The following ATE1 variants were observed in gnomAD, a reference collection of about 807,000 sequenced individuals.
ATE1 encodes arginyltransferase 1, also known as arginyl-tRNA--protein transferase 1.
Under a neutral mutation model 70.5 loss-of-function variants are expected in ATE1, and 36 were observed. The ratio of observed to expected loss-of-function variants is 0.51; its 90% CI spans 0.39 to 0.67. The LOEUF (loss-of-function observed/expected upper bound fraction) is 0.67. Ranked by LOEUF, ATE1 falls within the 30% of genes least tolerant of loss-of-function variation. The probability of loss-of-function intolerance (pLI) is 0.00; values close to 1 mark genes in which losing one functional copy is unlikely to be tolerated. For missense variants in ATE1, 593 were observed against 629.5 expected (o/e 0.94, Z 0.62); for synonymous variants, 232 against 219.3 (o/e 1.06, Z -0.51).
intron 7 of ATE1, among the ~76,000 whole-genome samples, chr10:121,876,692 C>T (rs193276659): frequency 1.2e-4 from 18 of 152,252 alleles, no homozygotes; most frequent in Non-Finnish European, 2.1e-4. Context: ...TGCTGCCGGG[C>T]GCGGTGGCTC....
At chr10:121,745,543 C>T (rs567537330) in intron 11 of ATE1, among the ~76,000 whole-genome samples, 10 of 152,090 alleles carry the variant, frequency 6.6e-5, no homozygotes, top group South Asian at 4.2e-4. Context: ...GGTGAAACCC[C>T]GTCTCTACTA....
chr10:121,765,270 C>T (rs1171493568), intron 11 of ATE1, among the ~76,000 whole-genome samples: 1 of 152,154 alleles, frequency 6.6e-6, no homozygotes, highest in African/African-American at 2.4e-5. Context: ...AGGGTTCATC[C>T]ACCCTTCAGT....
intron 8 of ATE1, among the ~76,000 whole-genome samples, chr10:121,846,109 G>A (rs1266608996): frequency 8.5e-5 from 12 of 141,166 alleles, no homozygotes; most frequent in Non-Finnish European, 1.7e-4. Flanking sequence ...GTACCAGAAA[G>A]TAAAGTAGCA....
chr10:121,924,045 T>C (rs548023018), intron 2 of ATE1, among the ~76,000 whole-genome samples: 2 of 152,366 alleles, frequency 1.3e-5, no homozygotes, highest in South Asian at 2.1e-4. Context: ...AGCTTAGTGA[T>C]AGGTACTTGA....
At chr10:121,926,961 A>G in intron 1 of ATE1, 1 of 985,452 alleles carries the variant, frequency 1.0e-6, no homozygotes, top group Non-Finnish European at 1.2e-6. Flanking sequence ...GCAAATGCAC[A>G]CACCGTTATC....
intron 11 of ATE1, among the ~76,000 whole-genome samples, chr10:121,760,903 T>C (rs568197327): frequency 9.8e-5 from 15 of 152,312 alleles, no homozygotes; most frequent in Middle Eastern, 3.4e-3. Flanking sequence ...CATATGTTTG[T>C]CCTCCCAAAC....
intron 11 of ATE1, among the ~76,000 whole-genome samples, chr10:121,785,581 T>C (rs1026636177): frequency 6.6e-6 from 1 of 152,034 alleles, no homozygotes; most frequent in African/African-American, 2.4e-5. Flanking sequence ...CCAGCAAGAA[T>C]GATGGGCAGA....
intron 10 of ATE1, among the ~76,000 whole-genome samples, chr10:121,801,639 T>C (rs1392503019): frequency 6.6e-6 from 1 of 152,198 alleles, no homozygotes; most frequent in African/African-American, 2.4e-5. Context: ...TGTGTCTATA[T>C]ATAAATTTGG....
intron 11 of ATE1, among the ~76,000 whole-genome samples, chr10:121,763,736 G>A (rs933908496): frequency 1.2e-4 from 18 of 152,116 alleles, no homozygotes; most frequent in Non-Finnish European, 2.1e-4. Context: ...ATACCCAGCC[G>A]GGCGCAGTGG....
chr10:121,805,146 T>C (rs192573616), intron 10 of ATE1, among the ~76,000 whole-genome samples: 18 of 152,328 alleles, frequency 1.2e-4, no homozygotes, highest in Admixed American at 1.1e-3. Flanking sequence ...CAATTAAAAG[T>C]AACCCTTCCA....
At position 121,844,629 on chromosome 10, in the gene ATE1, A is replaced by G. The variant is rs138066390; in HGVS notation, c.976-3366T>C. ...ATGTCACACAAAAACCTAAAACCCT[A>G]TAAGTGAATGTTTATAACAGTTTTA... On this transcript the variant is annotated intron_variant, in intron 8 of 11. Coordinates refer to ENST00000224652, the MANE Select transcript of ATE1 (RefSeq NM_001001976.3). Among the ~76,000 whole-genome samples the G allele has an allele frequency of 2.1e-3, 318 of 152,322 alleles. 2 individuals are homozygous for G. The highest frequency in any genetic ancestry group is 7.2e-3 in the African/African-American group (301 of 41,572).
chr10:121,862,621 G>A (rs970654112), intron 8 of ATE1, among the ~76,000 whole-genome samples: 1 of 132,058 alleles, frequency 7.6e-6, no homozygotes, highest in Non-Finnish European at 1.5e-5. Flanking sequence ...TGATCTACCT[G>A]TCTCAACCTC....
chr10:121,895,913 T>C (rs1250433819), intron 7 of ATE1, among the ~76,000 whole-genome samples: 1 of 148,662 alleles, frequency 6.7e-6, no homozygotes, highest in Non-Finnish European at 1.5e-5. Flanking sequence ...CAAGACTCTG[T>C]CTCCCCCCAC....
At chr10:121,892,441 C>T (rs1311914895) in intron 7 of ATE1, among the ~76,000 whole-genome samples, 2 of 150,806 alleles carry the variant, frequency 1.3e-5, no homozygotes, top group African/African-American at 2.4e-5. Flanking sequence ...TTCCTCAGTG[C>T]TCTTTATTTG....
chr10:121,827,527 T>C (rs1948074345), intron 10 of ATE1, among the ~76,000 whole-genome samples: 1 of 152,188 alleles, frequency 6.6e-6, no homozygotes, highest in Admixed American at 6.5e-5. Flanking sequence ...CTCTTCTCAG[T>C]TGAAAATACA....
chr10:121,777,390 C>A (rs1008976416), intron 11 of ATE1, among the ~76,000 whole-genome samples: 1 of 152,078 alleles, frequency 6.6e-6, no homozygotes, highest in African/African-American at 2.4e-5. Flanking sequence ...CTCCAATATC[C>A]CTAAGATTTG....
chr10:121,921,883 C>T (rs1353338956), intron 3 of ATE1, among the ~76,000 whole-genome samples: 3 of 152,162 alleles, frequency 2.0e-5, no homozygotes, highest in African/African-American at 7.2e-5. Context: ...TGTTTTAACC[C>T]GAGGTCTCTC....
At chr10:121,874,733 C>T (rs949863971) in intron 7 of ATE1, among the ~76,000 whole-genome samples, 1 of 152,166 alleles carries the variant, frequency 6.6e-6, no homozygotes, top group African/African-American at 2.4e-5. Context: ...AGGCCGGGTG[C>T]AGTGGTTCAC....
At chr10:121,796,733 C>T (rs1452682928) in intron 10 of ATE1, among the ~76,000 whole-genome samples, 1 of 152,050 alleles carries the variant, frequency 6.6e-6, no homozygotes, top group African/African-American at 2.4e-5. Flanking sequence ...AAATCTAAAA[C>T]ATTGAAAGGA....
Sources: gnomAD v4.1 joint callset for allele counts (sites outside exome capture counted in the v4.1 genomes callset) on GRCh38, gnomAD v4.1.1 for gene constraint, MANE v1.5 for transcripts, NCBI Gene and HGNC (gene_info 2026-07-23, HGNC 2026-07-21) for gene names.